The following RBFOX1 variants were observed in gnomAD, a reference collection of about 807,000 sequenced individuals.
RBFOX1 encodes the protein RNA binding fox-1 homolog 1.
In RBFOX1, 8 loss-of-function variants were observed where a neutral mutation model predicts 57.7. The observed-to-expected ratio is 0.14, with a 90% CI of 0.08 to 0.25. The LOEUF (loss-of-function observed/expected upper bound fraction) is 0.25, where lower values mean the gene tolerates loss of function less well. Ranked by LOEUF, RBFOX1 falls within the 10% of genes least tolerant of loss-of-function variation. RBFOX1 has a pLI of 1.00. For synonymous variants in RBFOX1, 326 were observed against 222.4 expected (o/e 1.47, Z -4.15); for missense variants, 611 against 548.5 (o/e 1.11, Z -1.14).
intron 1 of RBFOX1, among the ~76,000 whole-genome samples, chr16:5,435,608 C>G (rs1355937468): frequency 6.6e-6 from 1 of 152,136 alleles, no homozygotes; most frequent in Non-Finnish European, 1.5e-5. Flanking sequence ...GGAGGGCCAC[C>G]TCACTCTGTC....
rs1179919752 is a variant in RBFOX1, at chr16:7,615,764, A to G, written c.676+8426A>G. Among the ~76,000 whole-genome samples the G allele has an allele frequency of 2.6e-5, 4 of 152,126 alleles. No individual in the cohort carries two copies. In the South Asian group the frequency reaches 6.2e-4, roughly 24 times the overall value. On this transcript the variant is annotated intron_variant, in intron 10 of 15. Transcript: ENST00000550418. ...GGAGTGTTGTTCACTGCTGACATCTAGTGGGTGGAGGCCAAGGACGCTTCA... is the reference window on the plus strand; with the variant it reads ...GGAGTGTTGTTCACTGCTGACATCTGGTGGGTGGAGGCCAAGGACGCTTCA...
chr16:6,394,838 G>C (rs2092756049), intron 2 of RBFOX1, among the ~76,000 whole-genome samples: 1 of 152,040 alleles, frequency 6.6e-6, no homozygotes, highest in Non-Finnish European at 1.5e-5. Flanking sequence ...GATCAGTTTG[G>C]GAAGGAGAAA....
At chr16:7,034,893 G>A (rs1332011248) in intron 3 of RBFOX1, among the ~76,000 whole-genome samples, 1 of 92,862 alleles carries the variant, frequency 1.1e-5, no homozygotes, top group African/African-American at 4.7e-5. Context: ...CTGTTGCCCA[G>A]GCTGGAGTGC....
intron 3 of RBFOX1, among the ~76,000 whole-genome samples, chr16:6,929,109 C>T (rs1345017157): frequency 1.3e-5 from 2 of 152,122 alleles, no homozygotes; most frequent in African/African-American, 2.4e-5. Context: ...TTCACAGGCC[C>T]ACATTGCAAC....
intron 3 of RBFOX1, among the ~76,000 whole-genome samples, chr16:5,656,372 C>T (rs1190607617): frequency 1.3e-5 from 2 of 152,106 alleles, no homozygotes; most frequent in Non-Finnish European, 2.9e-5. Flanking sequence ...ATTAGTATGT[C>T]TTGCAACTCT....
intron 3 of RBFOX1, among the ~76,000 whole-genome samples, chr16:6,906,823 A>C (rs1252713939): frequency 1.3e-5 from 2 of 151,858 alleles, no homozygotes; most frequent in Admixed American, 1.3e-4. Context: ...CCTGGGTTCA[A>C]GCAATTCTCC....
rs575894322 is a variant in RBFOX1, at chr16:5,968,200, C to G, written c.351+100865C>G. Among the ~76,000 whole-genome samples, 7 of 152,180 alleles carry G rather than the reference C, an allele frequency of 4.6e-5. No homozygotes were observed. In the East Asian group the frequency reaches 1.4e-3, roughly 29 times the overall value. On this transcript the variant is annotated intron_variant, in intron 4 of 19. Coordinates refer to the RBFOX1 transcript ENST00000641259. Reference sequence around the variant, plus strand: ...AGCAATTCTGCTGTTTCAGCCTCCCCAGTAGCTGGGATTATGGGCATGTAC... The same window carrying G: ...AGCAATTCTGCTGTTTCAGCCTCCCGAGTAGCTGGGATTATGGGCATGTAC...
chr16:7,411,976 C>T (rs8049793), intron 4 of RBFOX1, among the ~76,000 whole-genome samples: 1 of 150,034 alleles, frequency 6.7e-6, no homozygotes, highest in Non-Finnish European at 1.5e-5. Context: ...TTCAGAGTCA[C>T]GGCCGCCCAG....
intron 2 of RBFOX1, among the ~76,000 whole-genome samples, chr16:5,500,811 T>G (rs1402130687): frequency 6.6e-6 from 1 of 152,206 alleles, no homozygotes; most frequent in African/African-American, 2.4e-5. Context: ...CTAACTGGTC[T>G]CCCAGCTTTC....
intron 2 of RBFOX1, among the ~76,000 whole-genome samples, chr16:6,480,791 C>G (rs2095360104): frequency 6.6e-6 from 1 of 151,952 alleles, no homozygotes; most frequent in African/African-American, 2.4e-5. Flanking sequence ...TATATTTGTA[C>G]CTTATAGTGT....
chr16:5,813,721 C>T (rs1208717460), intron 3 of RBFOX1, among the ~76,000 whole-genome samples: 6 of 152,214 alleles, frequency 3.9e-5, no homozygotes, highest in Admixed American at 3.9e-4. Context: ...GCTGATATAT[C>T]ATGCTCTTAG....
intron 3 of RBFOX1, among the ~76,000 whole-genome samples, chr16:5,707,148 C>T (rs906139471): frequency 3.3e-5 from 5 of 152,146 alleles, no homozygotes; most frequent in Admixed American, 2.6e-4. Flanking sequence ...ACAATACAAG[C>T]CTCATTAGTG....
intron 4 of RBFOX1, among the ~76,000 whole-genome samples, chr16:7,392,568 C>T (rs1333132759): frequency 1.3e-5 from 2 of 152,226 alleles, no homozygotes; most frequent in African/African-American, 4.8e-5. Context: ...ATTTATTTAC[C>T]TCCTGTGGGT....
At chr16:6,742,065 A>G (rs562733263) in intron 3 of RBFOX1, among the ~76,000 whole-genome samples, 21 of 152,306 alleles carry the variant, frequency 1.4e-4, no homozygotes, top group African/African-American at 4.3e-4. Context: ...TCTACAGTGT[A>G]TACATTTTTC....
At chr16:6,865,903 T>A (rs1210598454) in intron 3 of RBFOX1, among the ~76,000 whole-genome samples, 1 of 152,164 alleles carries the variant, frequency 6.6e-6, no homozygotes, top group South Asian at 2.1e-4. Flanking sequence ...TAACTTAGTG[T>A]TGAAACATTA....
intron 2 of RBFOX1, among the ~76,000 whole-genome samples, chr16:6,484,892 T>G (rs1319183654): frequency 6.6e-6 from 1 of 152,236 alleles, no homozygotes; most frequent in African/African-American, 2.4e-5. Context: ...GAATGCGGTT[T>G]ATTGCTGAAG....
intron 4 of RBFOX1, among the ~76,000 whole-genome samples, chr16:7,169,335 G>A (rs1732086629): frequency 6.6e-6 from 1 of 152,162 alleles, no homozygotes; most frequent in Admixed American, 6.5e-5. Context: ...CAGGGTTTCT[G>A]AATCTCAGCA....
intron 4 of RBFOX1, among the ~76,000 whole-genome samples, chr16:7,212,498 C>T (rs2091331122): frequency 6.6e-6 from 1 of 152,136 alleles, no homozygotes; most frequent in Non-Finnish European, 1.5e-5. Context: ...ATCAGGTACA[C>T]CCTAGAGTGG....
chr16:5,567,919 G>A (rs1596306150), intron 2 of RBFOX1, among the ~76,000 whole-genome samples: 1 of 152,328 alleles, frequency 6.6e-6, no homozygotes, highest in South Asian at 2.1e-4. Flanking sequence ...GAGAAGGTAA[G>A]TAACTGGCTC....
Sources: allele counts gnomAD v4.1 joint callset (sites outside exome capture counted in the v4.1 genomes callset), GRCh38; gene constraint gnomAD v4.1.1; transcripts MANE v1.5; gene names NCBI Gene and HGNC (gene_info 2026-07-23, HGNC 2026-07-21).